PDE4B: variants seen among roughly 807,000 people sequenced by gnomAD.
The protein encoded by PDE4B is phosphodiesterase 4B, also known as 3',5'-cyclic-AMP phosphodiesterase 4B.
A neutral mutation model predicts 82.2 loss-of-function variants in PDE4B; 20 were observed. The ratio of observed to expected loss-of-function variants is 0.24; its 90% confidence interval spans 0.17 to 0.35. PDE4B has a LOEUF of 0.35. PDE4B is among the 10% of genes least tolerant of loss of function. The pLI is 1.00. For synonymous variants in PDE4B, 320 were observed against 318.9 expected (o/e 1.00, Z -0.04); for missense variants, 655 against 907.2 (o/e 0.72, Z 3.57).
intron 3 of PDE4B, among the ~76,000 whole-genome samples, chr1:66,049,601 A>C (rs1049677373): frequency 6.6e-6 from 1 of 152,060 alleles, no homozygotes; most frequent in Admixed American, 6.6e-5. Flanking sequence ...ACTTATTTGT[A>C]TTAAAATTAG....
At chr1:66,351,786 C>G (rs1459658341) in intron 8 of PDE4B, among the ~76,000 whole-genome samples, 1 of 152,184 alleles carries the variant, frequency 6.6e-6, no homozygotes, top group African/African-American at 2.4e-5. Flanking sequence ...TCTGGCTCAA[C>G]AGAAACACTC....
chr1:66,168,945 T>C (rs1226122444), intron 3 of PDE4B, among the ~76,000 whole-genome samples: 1 of 152,082 alleles, frequency 6.6e-6, no homozygotes, highest in Non-Finnish European at 1.5e-5. Context: ...AAATCTGAAA[T>C]AAGGAAATAA....
In PDE4B at chr1:66,006,976, A is replaced by G. The variant is rs1453809111; in HGVS notation, c.281+88141A>G. Among the ~76,000 whole-genome samples, 23 of 152,080 alleles carry G rather than the reference A, an allele frequency of 1.5e-4. 1 individual carries two copies. The highest frequency in any genetic ancestry group is 7.4e-5 in the Non-Finnish European group (5 of 68,022). On this transcript the variant is annotated intron_variant, in intron 3 of 16. Transcript: ENST00000341517. ...TCCCATCTCTACAAAAATTAAAAAAATAATAAATTAGCCAGGCATAGTGGC... is the reference window on the plus strand; with the variant it reads ...TCCCATCTCTACAAAAATTAAAAAAGTAATAAATTAGCCAGGCATAGTGGC...
At chr1:65,857,191 A>C (rs1646403251) in intron 1 of PDE4B, among the ~76,000 whole-genome samples, 1 of 152,172 alleles carries the variant, frequency 6.6e-6, no homozygotes, top group African/African-American at 2.4e-5. Context: ...CATATATAGT[A>C]ATGTTCTGTT....
intron 3 of PDE4B, among the ~76,000 whole-genome samples, chr1:66,095,174 A>C (rs1234787703): frequency 6.6e-6 from 1 of 151,934 alleles, no homozygotes; most frequent in Admixed American, 6.6e-5. Flanking sequence ...ATTATTCAGT[A>C]GAGTGTACAT....
intron 3 of PDE4B, among the ~76,000 whole-genome samples, chr1:66,234,475 GA>G (rs1337480289): frequency 6.6e-6 from 1 of 152,144 alleles, no homozygotes; most frequent in African/African-American, 2.4e-5. Flanking sequence ...TTTTAGTAGA[GA>G]CAGGGTTTCA....
At chr1:65,930,433 C>A (rs1383223031) in intron 3 of PDE4B, among the ~76,000 whole-genome samples, 1 of 152,228 alleles carries the variant, frequency 6.6e-6, no homozygotes, top group Non-Finnish European at 1.5e-5. Flanking sequence ...TTGTACCCTG[C>A]ACCTGGAAAA....
intron 1 of PDE4B, among the ~76,000 whole-genome samples, chr1:65,840,997 G>A (rs1646200368): frequency 6.6e-6 from 1 of 152,108 alleles, no homozygotes; most frequent in Non-Finnish European, 1.5e-5. Flanking sequence ...ATATTCGAAT[G>A]AAATCATTGT....
chr1:66,046,196 T>C (rs1654703869), intron 3 of PDE4B: 1 of 151,792 alleles, frequency 6.6e-6, no homozygotes. Flanking sequence ...TTATTAAATG[T>C]ACGTGATATG....
chr1:65,867,394 G>A (rs1000627860), intron 1 of PDE4B, among the ~76,000 whole-genome samples: 1 of 152,148 alleles, frequency 6.6e-6, no homozygotes, highest in African/African-American at 2.4e-5. Context: ...ACAGGTAAGA[G>A]CAAAGTTATT....
chr1:66,120,113 C>T (rs978402532), intron 3 of PDE4B, among the ~76,000 whole-genome samples: 9 of 152,160 alleles, frequency 5.9e-5, no homozygotes, highest in South Asian at 2.1e-4. Context: ...CCTTCGGAAA[C>T]GAATACAGTC....
intron 3 of PDE4B, among the ~76,000 whole-genome samples, chr1:66,191,984 T>G (rs955896298): frequency 2.6e-5 from 4 of 152,160 alleles, no homozygotes; most frequent in Non-Finnish European, 1.5e-5. Context: ...TTGGGAATTA[T>G]GGGAGCTACA....
In PDE4B at chr1:66,279,557, G is replaced by A. The variant is rs531911485; in HGVS notation, c.634+13470G>A. Among the ~76,000 whole-genome samples, 5 of 152,192 alleles carry A rather than the reference G, an allele frequency of 3.3e-5. No homozygotes were observed. The East Asian group carries it at 9.7e-4, about 29-fold the overall frequency. On this transcript the variant is annotated intron_variant, in intron 7 of 16. Transcript: ENST00000341517. The stretch of plus-strand genomic sequence containing the variant: ...AGAGAATCGCTTGAACTCGGGAAGT[G>A]GAGATTGCAGTGAGCCAGGATTGCA...
At chr1:66,354,531 A>C (rs1662081283) in intron 8 of PDE4B, 2 of 1,138,352 alleles carry the variant, frequency 1.8e-6, no homozygotes, top group African/African-American at 3.2e-5. Context: ...GCTATTCATA[A>C]TTCATAAGTG....
At chr1:65,887,413 TG>T (rs1646801876) in intron 1 of PDE4B, among the ~76,000 whole-genome samples, 2 of 42,106 alleles carry the variant, frequency 4.7e-5, no homozygotes, top group South Asian at 8.4e-4. Flanking sequence ...CTTTTTCTTC[TG>T]TTTTTTTTTT....
At chr1:65,844,563 A>C (rs1646247581) in intron 1 of PDE4B, among the ~76,000 whole-genome samples, 1 of 152,056 alleles carries the variant, frequency 6.6e-6, no homozygotes. Flanking sequence ...TTGAAATTCA[A>C]AAAAAAGTAA....
At chr1:66,218,460 T>G (rs987942146) in intron 3 of PDE4B, among the ~76,000 whole-genome samples, 3 of 152,152 alleles carry the variant, frequency 2.0e-5, no homozygotes. Context: ...CAGCCATGCT[T>G]TGGGCTCAGT....
At chr1:66,229,308 C>T (rs946987967) in intron 3 of PDE4B, among the ~76,000 whole-genome samples, 1 of 152,080 alleles carries the variant, frequency 6.6e-6, no homozygotes, top group Non-Finnish European at 1.5e-5. Context: ...CATGCCCGGC[C>T]CCCCAGAGGC....
rs574028223 is a variant in PDE4B at position 66,181,715 on chromosome 1, C to T, written c.282-65745C>T. Among the ~76,000 whole-genome samples, 7 of 152,272 alleles carry T rather than the reference C, an allele frequency of 4.6e-5. No individual in the cohort carries two copies. In the South Asian group the frequency reaches 1.5e-3, roughly 32 times the overall value. ...CACTTTGTAGTTATTTTACCACCAG[C>T]ATTGTTTGCCAACAAATACTCCAGA... On this transcript the variant is annotated intron_variant, in intron 3 of 16. Coordinates refer to ENST00000341517, the MANE Select transcript of PDE4B (RefSeq NM_002600.4).
Sources: gnomAD v4.1 joint callset for allele counts (sites outside exome capture counted in the v4.1 genomes callset) on GRCh38, gnomAD v4.1.1 for gene constraint, MANE v1.5 for transcripts, NCBI Gene and HGNC (gene_info 2026-07-23, HGNC 2026-07-21) for gene names.